PPP2R3A: variants seen among roughly 807,000 people sequenced by gnomAD.
The protein encoded by PPP2R3A is serine/threonine-protein phosphatase 2A regulatory subunit B'' subunit alpha.
In PPP2R3A, 80 loss-of-function variants were observed where a neutral mutation model predicts 106.9. The ratio of observed to expected loss-of-function variants is 0.75; its 90% CI spans 0.62 to 0.90. The LOEUF (loss-of-function observed/expected upper bound fraction) is 0.90, where lower values mean the gene tolerates loss of function less well. Ranked by LOEUF, PPP2R3A falls within the 40% of genes least tolerant of loss-of-function variation. The probability of loss-of-function intolerance (pLI) is 0.00; values close to 1 mark genes in which losing one functional copy is unlikely to be tolerated. For synonymous variants in PPP2R3A, 483 were observed against 468.3 expected, an observed-to-expected ratio of 1.03 and a Z score of -0.41; for missense variants, 1,386 against 1,350.4, an observed-to-expected ratio of 1.03 and a Z score of -0.41.
At chr3:136,023,324 A>C in intron 2 of PPP2R3A, 1 of 801,264 alleles carries the variant, frequency 1.2e-6, no homozygotes, top group Non-Finnish European at 1.9e-6. Context: ...GTATCTTGAT[A>C]TTAGATCAAG....
chr3:136,034,353 C>G, intron 3 of PPP2R3A, among the ~76,000 whole-genome samples: 1 of 152,104 alleles, frequency 6.6e-6, no homozygotes, highest in East Asian at 1.9e-4. Flanking sequence ...TTGATGTAGG[C>G]GTTTAGGGCT....
chr3:136,077,422 A>G (rs1936633052), intron 6 of PPP2R3A, among the ~76,000 whole-genome samples: 2 of 152,112 alleles, frequency 1.3e-5, no homozygotes, highest in Admixed American at 6.5e-5. Flanking sequence ...AAAGAGATCT[A>G]ATTTCTTCCA....
intron 6 of PPP2R3A, among the ~76,000 whole-genome samples, chr3:136,075,512 A>G (rs952617691): frequency 1.3e-5 from 2 of 152,200 alleles, no homozygotes; most frequent in African/African-American, 4.8e-5. Context: ...TAGGCTATGG[A>G]AAAATGGAAT....
At chr3:136,063,429 TTTTAA>T (rs1376251278) in intron 5 of PPP2R3A, among the ~76,000 whole-genome samples, 6 of 152,124 alleles carry the variant, frequency 3.9e-5, no homozygotes, top group African/African-American at 1.2e-4. Flanking sequence ...AATGGGATCT[TTTTAA>T]AGTAAAGAGC....
At chr3:136,028,239 T>G (rs891811169) in intron 3 of PPP2R3A, among the ~76,000 whole-genome samples, 3 of 152,306 alleles carry the variant, frequency 2.0e-5, no homozygotes, top group South Asian at 2.1e-4. Context: ...GAACCCTCAC[T>G]TGTCATGCCC....
chr3:136,096,858 G>A (rs1307062714), intron 10 of PPP2R3A, among the ~76,000 whole-genome samples: 2 of 152,190 alleles, frequency 1.3e-5, no homozygotes, highest in Non-Finnish European at 2.9e-5. Flanking sequence ...GGGAGGCTGA[G>A]GCACAAGAAT....
chr3:136,108,653 T>A (rs1034984363), intron 13 of PPP2R3A, among the ~76,000 whole-genome samples: 1 of 151,968 alleles, frequency 6.6e-6, no homozygotes, highest in Non-Finnish European at 1.5e-5. Flanking sequence ...CAGATTTGCA[T>A]TGTGAATTTA....
chr3:136,138,814 C>T lies in PPP2R3A; in HGVS notation c.3330-6229C>T, dbSNP rs139485270. 7.9e-3 allele frequency among the ~76,000 whole-genome samples: 1,105 copies of T among 140,104 alleles called. 16 individuals carry two copies. The highest frequency in any genetic ancestry group is 0.028 in the African/African-American group (1,041 of 37,564). 91.9% of individuals were successfully genotyped at this position (140,104 alleles called of 152,430 possible). ...GCAACCTCCACCTCCCAGGTTCAAG[C>T]GATTCTCCTGCCTCAGCCTCCCGAG... On this transcript the variant is annotated intron_variant, in intron 13 of 13. Transcript: ENST00000264977.
rs146329839 is a variant in PPP2R3A, at chr3:135,979,532, G to A, written c.-441+13683G>A. On this transcript the variant is annotated intron_variant, in intron 1 of 13. Coordinates refer to ENST00000264977, the MANE Select transcript of PPP2R3A (RefSeq NM_002718.5). ...TACCGTCATCAGAGTGTGGGAACAC[G>A]ATGTGTCATATGATGGGTCCCTTTA... is the stretch of plus-strand genomic sequence containing the variant. Among the ~76,000 whole-genome samples the A allele has an allele frequency of 3.6e-3, 547 of 151,946 alleles. 18 individuals are homozygous for A. Among genetic ancestry groups the A allele is most frequent in the African/African-American group, 0.012 (509 of 41,206 alleles).
At chr3:135,977,923 C>G (rs1005699084) in intron 1 of PPP2R3A, among the ~76,000 whole-genome samples, 1 of 151,952 alleles carries the variant, frequency 6.6e-6, no homozygotes, top group African/African-American at 2.4e-5. Context: ...TGGTCTTGAA[C>G]TCCTAAGCTA....
chr3:136,126,261 A>C (rs746072700), intron 13 of PPP2R3A, among the ~76,000 whole-genome samples: 1 of 152,212 alleles, frequency 6.6e-6, no homozygotes, highest in African/African-American at 2.4e-5. Context: ...CGGGACACTC[A>C]CACCTAAATA....
intron 5 of PPP2R3A, among the ~76,000 whole-genome samples, chr3:136,069,743 A>G (rs143977962): frequency 2.0e-5 from 3 of 152,198 alleles, no homozygotes; most frequent in Non-Finnish European, 2.9e-5. Context: ...TTAATAGACT[A>G]TATCTGTAAT....
chr3:136,123,282 A>G (rs1938067671), intron 13 of PPP2R3A, among the ~76,000 whole-genome samples: 1 of 152,194 alleles, frequency 6.6e-6, no homozygotes, highest in South Asian at 2.1e-4. Context: ...TCAAAACAGA[A>G]AAATTATGCA....
At chr3:136,058,197 G>A (rs1559894340) in intron 5 of PPP2R3A, among the ~76,000 whole-genome samples, 1 of 152,138 alleles carries the variant, frequency 6.6e-6, no homozygotes, top group Non-Finnish European at 1.5e-5. Flanking sequence ...TCAGGCAAGA[G>A]AAAGAAATAA....
intron 3 of PPP2R3A, among the ~76,000 whole-genome samples, chr3:136,036,929 C>G (rs1935105521): frequency 6.6e-6 from 1 of 152,198 alleles, no homozygotes; most frequent in African/African-American, 2.4e-5. Context: ...CAAGTCTTTT[C>G]TGGTACCAGG....
At chr3:136,079,782 C>T (rs1191272037) in intron 7 of PPP2R3A, among the ~76,000 whole-genome samples, 1 of 151,136 alleles carries the variant, frequency 6.6e-6, no homozygotes, top group Non-Finnish European at 1.5e-5. Context: ...AATTTGAGGC[C>T]CAAATATACT....
chr3:135,968,348 A>G (rs1001771941), intron 1 of PPP2R3A, among the ~76,000 whole-genome samples: 2 of 152,226 alleles, frequency 1.3e-5, no homozygotes, highest in Admixed American at 1.3e-4. Flanking sequence ...GTCCTGATGT[A>G]GTTTGGAAAC....
intron 5 of PPP2R3A, among the ~76,000 whole-genome samples, chr3:136,056,200 G>A (rs1935854845): frequency 6.6e-6 from 1 of 152,138 alleles, no homozygotes; most frequent in Admixed American, 6.5e-5. Flanking sequence ...AGTAAGGAAA[G>A]TCTAAGAAAC....
At chr3:136,028,013 A>C (rs145683188) in intron 3 of PPP2R3A, among the ~76,000 whole-genome samples, 17 of 152,230 alleles carry the variant, frequency 1.1e-4, no homozygotes, top group Non-Finnish European at 1.5e-4. Context: ...TCTTCCTGGC[A>C]TTCCATGGCT....
Sources: gnomAD v4.1 joint callset for allele counts (sites outside exome capture counted in the v4.1 genomes callset) on GRCh38, gnomAD v4.1.1 for gene constraint, MANE v1.5 for transcripts, NCBI Gene and HGNC (gene_info 2026-07-23, HGNC 2026-07-21) for gene names.